PPARGC1A: variants seen among roughly 807,000 people sequenced by gnomAD.
PPARGC1A encodes PPARG coactivator 1 alpha.
A neutral mutation model predicts 88.7 loss-of-function variants in PPARGC1A; 25 were observed. The observed-to-expected ratio is 0.28, with a 90% CI of 0.21 to 0.39. The LOEUF is 0.39. Ranked by LOEUF, PPARGC1A falls within the 10% of genes least tolerant of loss-of-function variation. PPARGC1A has a pLI of 1.00. For missense variants in PPARGC1A, 880 were observed against 968.7 expected, an observed-to-expected ratio of 0.91 and a Z score of 1.22; for synonymous variants, 363 against 355.6, an observed-to-expected ratio of 1.02 and a Z score of -0.24.
intron 12 of PPARGC1A, among the ~76,000 whole-genome samples, chr4:23,800,431 AATTAAAT>A (rs1718453128): frequency 6.6e-6 from 1 of 152,094 alleles, no homozygotes; most frequent in South Asian, 2.1e-4. Context: ...AAAAATTAAA[AATTAAAT>A]GTTTGGCTAT....
At chr4:24,284,214 CAGG>C in the PPARGC1A span, among the ~76,000 whole-genome samples, 1 of 151,706 alleles carries the variant, frequency 6.6e-6, no homozygotes, top group African/African-American at 2.4e-5. Flanking sequence ...GAGGCTGAGG[CAGG>C]AGAATTGCTT....
chr4:24,106,754 G>A, the PPARGC1A span, among the ~76,000 whole-genome samples: 20 of 152,214 alleles, frequency 1.3e-4, no homozygotes, highest in South Asian at 1.5e-3. Context: ...CCCTTGCTTC[G>A]GTCAATAGTC....
the PPARGC1A span, among the ~76,000 whole-genome samples, chr4:24,462,330 C>T: frequency 6.6e-6 from 1 of 151,516 alleles, no homozygotes; most frequent in African/African-American, 2.4e-5. Flanking sequence ...CTCCTGACCT[C>T]AGGTGATCCA....
the PPARGC1A span, among the ~76,000 whole-genome samples, chr4:24,159,752 A>C: frequency 6.6e-6 from 1 of 152,216 alleles, no homozygotes; most frequent in Non-Finnish European, 1.5e-5. Context: ...ATGTACAAGC[A>C]TCAGCTGTGC....
chr4:24,077,516 T>A, the PPARGC1A span, among the ~76,000 whole-genome samples: 1 of 152,012 alleles, frequency 6.6e-6, no homozygotes, highest in Admixed American at 6.6e-5. Flanking sequence ...GTTTTTTCAA[T>A]GTGATTCTCA....
At chr4:24,457,456 A>T in the PPARGC1A span, among the ~76,000 whole-genome samples, 1 of 152,190 alleles carries the variant, frequency 6.6e-6, no homozygotes, top group African/African-American at 2.4e-5. Flanking sequence ...ACAAACAATA[A>T]TGATGCCATA....
chr4:24,201,156 A>G, the PPARGC1A span, among the ~76,000 whole-genome samples: 8,716 of 152,358 alleles, frequency 0.057, 354 homozygotes, highest in African/African-American at 0.11. Flanking sequence ...CTACATCACC[A>G]TAATGCACCT....
At chr4:24,101,557 G>A in the PPARGC1A span, among the ~76,000 whole-genome samples, 9 of 152,174 alleles carry the variant, frequency 5.9e-5, no homozygotes, top group African/African-American at 7.2e-5. Context: ...CACATTGTAC[G>A]CATGTAACAA....
chr4:24,073,937 T>C, the PPARGC1A span, among the ~76,000 whole-genome samples: 1 of 152,108 alleles, frequency 6.6e-6, no homozygotes, highest in Non-Finnish European at 1.5e-5. Flanking sequence ...GGACTCCTGA[T>C]GGCTCCTGGT....
At chr4:23,949,185 G>A in the PPARGC1A span, among the ~76,000 whole-genome samples, 1 of 152,098 alleles carries the variant, frequency 6.6e-6, no homozygotes. Flanking sequence ...AGGAGTTTGA[G>A]TATGTATGTA....
chr4:24,125,279 C>G, the PPARGC1A span, among the ~76,000 whole-genome samples: 2 of 152,128 alleles, frequency 1.3e-5, no homozygotes, highest in Admixed American at 6.6e-5. Context: ...CAGGTCCTCC[C>G]CCAATGAGAG....
the PPARGC1A span, among the ~76,000 whole-genome samples, chr4:24,455,145 T>C: frequency 6.6e-6 from 1 of 150,962 alleles, no homozygotes; most frequent in Non-Finnish European, 1.5e-5. Flanking sequence ...GCCAGAAGAG[T>C]TTTAGCAAAG....
upstream of PPARGC1A, chr4:23,890,134 A>C (rs1452899401): frequency 7.7e-7 from 1 of 1,301,448 alleles, no homozygotes; most frequent in African/African-American, 1.5e-5. Context: ...TCACTCACCC[A>C]GCCTCCCTTC....
the PPARGC1A span, among the ~76,000 whole-genome samples, chr4:23,954,691 T>C: frequency 1.3e-5 from 2 of 152,020 alleles, no homozygotes; most frequent in African/African-American, 4.8e-5. Flanking sequence ...TTCTGCAAAG[T>C]TGTGAAGAAA....
intron 5 of PPARGC1A, among the ~76,000 whole-genome samples, chr4:23,826,382 T>TCACA (rs1723933260): frequency 1.3e-5 from 2 of 152,132 alleles, no homozygotes; most frequent in African/African-American, 4.8e-5. Flanking sequence ...GTCTTTTTCA[T>TCACA]GTAGATTGTG....
chr4:24,063,569 G>A, the PPARGC1A span, among the ~76,000 whole-genome samples: 8 of 152,260 alleles, frequency 5.3e-5, no homozygotes, highest in Middle Eastern at 3.4e-3. Flanking sequence ...GGTTCCTAGC[G>A]ATAAATATTA....
chr4:24,461,826 C>T, the PPARGC1A span, among the ~76,000 whole-genome samples: 1 of 152,164 alleles, frequency 6.6e-6, no homozygotes, highest in Admixed American at 6.5e-5. Flanking sequence ...ATTCTCATCT[C>T]CCAGATGCTC....
chr4:24,224,899 G>A, the PPARGC1A span, among the ~76,000 whole-genome samples: 1 of 152,180 alleles, frequency 6.6e-6, no homozygotes, highest in Non-Finnish European at 1.5e-5. Flanking sequence ...AACTACAAGA[G>A]CAAGTCATAT....
the PPARGC1A span, among the ~76,000 whole-genome samples, chr4:24,303,035 T>C: frequency 6.6e-6 from 1 of 152,124 alleles, no homozygotes; most frequent in Non-Finnish European, 1.5e-5. Flanking sequence ...TCCCCTGACA[T>C]AAAAACCCAG....
Sources: allele counts gnomAD v4.1 joint callset (sites outside exome capture counted in the v4.1 genomes callset), GRCh38; gene constraint gnomAD v4.1.1; transcripts MANE v1.5; gene names NCBI Gene and HGNC (gene_info 2026-07-23, HGNC 2026-07-21).